The following SPATA16 variants were observed in gnomAD, a reference collection of about 807,000 sequenced individuals.
SPATA16 encodes spermatogenesis-associated protein 16.
In SPATA16, 36 loss-of-function variants were observed where a neutral mutation model predicts 63.3. The ratio of observed to expected loss-of-function variants is 0.57; its 90% CI spans 0.44 to 0.75. The LOEUF is 0.75. Ranked by LOEUF, SPATA16 falls within the 30% of genes least tolerant of loss-of-function variation. The pLI, the probability that SPATA16 is intolerant of heterozygous loss-of-function variation, is 0.00. For missense variants in SPATA16, 646 were observed against 679.3 expected (o/e 0.95, Z 0.54); for synonymous variants, 203 against 216.7 (o/e 0.94, Z 0.56).
intron 4 of SPATA16, among the ~76,000 whole-genome samples, chr3:173,006,845 G>T (rs1187895697): frequency 6.9e-6 from 1 of 145,540 alleles, no homozygotes; most frequent in Admixed American, 6.9e-5. Flanking sequence ...TGTAAGCCAA[G>T]AAAAAAAAAA....
At position 173,113,195 on chromosome 3, in the gene SPATA16, G is replaced by T. The variant is rs572321431; in HGVS notation, c.612+3925C>A. On this transcript the variant is annotated intron_variant, in intron 2 of 10. Coordinates refer to ENST00000351008, the MANE Select transcript of SPATA16 (RefSeq NM_031955.6). ...AAATAGAATCCCTACTGTTTTTGTA[G>T]TGGGGAAATTGGTATAGCTGTCTTT... Among the ~76,000 whole-genome samples, 14 of 152,252 alleles carry T rather than the reference G, an allele frequency of 9.2e-5. 2 individuals are homozygous for T. In the South Asian group the frequency reaches 2.7e-3, roughly 29 times the overall value.
At chr3:173,125,697 G>A (rs934607519) in intron 1 of SPATA16, among the ~76,000 whole-genome samples, 1 of 152,166 alleles carries the variant, frequency 6.6e-6, no homozygotes, top group East Asian at 1.9e-4. Context: ...CTACCAAGTT[G>A]TGTATGTATT....
chr3:172,898,006 G>T (rs79375154), intron 10 of SPATA16, among the ~76,000 whole-genome samples: 14,746 of 151,878 alleles, frequency 0.097, 807 homozygotes, highest in African/African-American at 0.14. Flanking sequence ...TGCATCAATT[G>T]ATATAATCTT....
At chr3:172,894,490 G>T in intron 10 of SPATA16, among the ~76,000 whole-genome samples, 1 of 18,220 alleles carries the variant, frequency 5.5e-5, no homozygotes, top group South Asian at 4.1e-3. Flanking sequence ...TACAAAACAT[G>T]CAAAAAAAAA....
At chr3:173,011,040 A>G (rs1735061033) in intron 4 of SPATA16, among the ~76,000 whole-genome samples, 1 of 149,400 alleles carries the variant, frequency 6.7e-6, no homozygotes, top group Non-Finnish European at 1.5e-5. Flanking sequence ...TACTAAAACT[A>G]TTCCAAAAAA....
chr3:173,046,004 A>G (rs1357127761), intron 3 of SPATA16, among the ~76,000 whole-genome samples: 12 of 152,098 alleles, frequency 7.9e-5, no homozygotes, highest in Admixed American at 7.9e-4. Context: ...CAATAAAAAT[A>G]AAAATAAAAA....
chr3:172,911,026 T>C (rs1417121836), intron 10 of SPATA16, among the ~76,000 whole-genome samples: 2 of 152,204 alleles, frequency 1.3e-5, no homozygotes, highest in Non-Finnish European at 2.9e-5. Context: ...CCATTTCTTT[T>C]TTGCCAACTG....
intron 2 of SPATA16, among the ~76,000 whole-genome samples, chr3:173,089,720 G>A (rs960148723): frequency 2.0e-5 from 3 of 152,116 alleles, no homozygotes; most frequent in African/African-American, 7.2e-5. Flanking sequence ...AGTGAGAAAA[G>A]CACTGAATTG....
At chr3:173,052,256 AGTCTCTGCTT>A (rs1736117731) in intron 2 of SPATA16, among the ~76,000 whole-genome samples, 2 of 152,162 alleles carry the variant, frequency 1.3e-5, no homozygotes, top group African/African-American at 4.8e-5. Flanking sequence ...GAAAGTGAAG[AGTCTCTGCTT>A]GTATAAGATT....
At chr3:172,952,938 C>CAAAAAAAAA (rs60404306) in intron 6 of SPATA16, among the ~76,000 whole-genome samples, 8 of 78,006 alleles carry the variant, frequency 1.0e-4, no homozygotes, top group African/African-American at 1.4e-4. Flanking sequence ...GACTCCATCT[C>CAAAAAAAAA]AAAAAAAAAA....
At chr3:172,909,529 A>G (rs972972157) in intron 10 of SPATA16, among the ~76,000 whole-genome samples, 4 of 152,168 alleles carry the variant, frequency 2.6e-5, no homozygotes, top group Non-Finnish European at 5.9e-5. Flanking sequence ...TTAAAGCCCA[A>G]TTCACATAGA....
rs192575082 is a variant in SPATA16 at position 173,030,520 on chromosome 3, C to T, written c.759-10945G>A. On this transcript the variant is annotated intron_variant, in intron 3 of 10. Coordinates refer to ENST00000351008, the MANE Select transcript of SPATA16 (RefSeq NM_031955.6). ...GTTAGGGAAATTCAAACCAAAACCACAATGAGATACCATCTCACACCCATT... is the reference window on the plus strand; with the variant it reads ...GTTAGGGAAATTCAAACCAAAACCATAATGAGATACCATCTCACACCCATT... Among the ~76,000 whole-genome samples, 30 of 152,114 alleles carry T rather than the reference C, an allele frequency of 2.0e-4. 1 individual carries two copies. Among genetic ancestry groups the T allele is most frequent in the African/African-American group, 7.2e-4 (30 of 41,542 alleles).
chr3:173,073,651 CA>C (rs1173982179), intron 2 of SPATA16, among the ~76,000 whole-genome samples: 2 of 152,206 alleles, frequency 1.3e-5, no homozygotes, highest in African/African-American at 4.8e-5. Context: ...GATGTCCAGG[CA>C]GAAGTTTGAT....
At chr3:173,081,706 G>A (rs764629242) in intron 2 of SPATA16, among the ~76,000 whole-genome samples, 9 of 152,060 alleles carry the variant, frequency 5.9e-5, no homozygotes, top group Admixed American at 4.6e-4. Flanking sequence ...ACATAAAACC[G>A]TTCGTGAGAT....
chr3:172,976,798 A>G (rs1734169806), intron 5 of SPATA16, among the ~76,000 whole-genome samples, 170 bp downstream of exon 5: 1 of 152,122 alleles, frequency 6.6e-6, no homozygotes, highest in South Asian at 2.1e-4. Flanking sequence ...TGCCCCTAGA[A>G]TTAGTCTTAG....
rs186244925 is a variant in SPATA16, at chr3:172,904,238, A to G, written c.1587+9423T>C. Among the ~76,000 whole-genome samples, 493 of 152,358 alleles carry G rather than the reference A, an allele frequency of 3.2e-3. 3 individuals are homozygous for G. Among genetic ancestry groups the G allele is most frequent in the African/African-American group, 0.011 (467 of 41,590 alleles). On this transcript the variant is annotated intron_variant, in intron 10 of 10. Transcript: ENST00000351008. Reference sequence around the variant, plus strand: ...ATAATAACTGATAATATCTGTCATCATCATTATCAGTTACTTATCTGAAAT... The same window carrying G: ...ATAATAACTGATAATATCTGTCATCGTCATTATCAGTTACTTATCTGAAAT...
chr3:173,076,510 A>G (rs546669798), intron 2 of SPATA16, among the ~76,000 whole-genome samples: 4 of 152,192 alleles, frequency 2.6e-5, no homozygotes, highest in Admixed American at 2.6e-4. Flanking sequence ...AAAAACATCC[A>G]TGAGGTTGGG....
At chr3:172,892,231 A>G (rs1731907484) in intron 10 of SPATA16, among the ~76,000 whole-genome samples, 1 of 152,212 alleles carries the variant, frequency 6.6e-6, no homozygotes, top group Non-Finnish European at 1.5e-5. Context: ...AGCCAGGAGT[A>G]GAAAGGGCAC....
In SPATA16 at chr3:173,049,031, C is replaced by T. The variant is rs926855937; in HGVS notation, c.676G>A (p.Val226Met). The T allele has an allele frequency of 6.2e-6, 10 of 1,613,826 alleles. No homozygotes were observed. The highest frequency in any genetic ancestry group is 1.1e-5 in the South Asian group (1 of 91,070). Residue 226 changes from valine (V) to methionine (M), a missense_variant, in exon 3 of 11, where the codon GTG (valine) becomes ATG (methionine). Physicochemically the swap from Val to Met is conservative, Grantham distance 21. Coordinates refer to ENST00000351008, the MANE Select transcript of SPATA16 (RefSeq NM_031955.6). ...AGCTTTGTCTCAATGAAACTTGCCA[C>T]GCTTGCTATATCTTCAGCAGGTGCA... ...FDAPAEDIASVASFIETKLVT... is the reference protein window; with the variant it reads ...FDAPAEDIASMASFIETKLVT...
Sources: allele counts gnomAD v4.1 joint callset (sites outside exome capture counted in the v4.1 genomes callset), GRCh38; gene constraint gnomAD v4.1.1; transcripts MANE v1.5; gene names NCBI Gene and HGNC (gene_info 2026-07-23, HGNC 2026-07-21).